METTL21A: variants seen among roughly 807,000 people sequenced by gnomAD.
The protein encoded by METTL21A is methyltransferase 21A, HSPA lysine.
A neutral mutation model predicts 20.9 loss-of-function variants in METTL21A; 22 were observed. That is an observed-to-expected ratio of 1.05 (90% confidence interval 0.75 to 1.50). The LOEUF (loss-of-function observed/expected upper bound fraction) is 1.50. Ranked by LOEUF, METTL21A falls within the 40% of genes most tolerant of loss-of-function variation. The pLI, the probability that METTL21A is intolerant of heterozygous loss-of-function variation, is 0.00. For missense variants in METTL21A, 271 were observed against 266.8 expected (o/e 1.02, Z -0.11); for synonymous variants, 93 against 102.0 (o/e 0.91, Z 0.53).
At chr2:207,620,612 A>G in intron 3 of METTL21A, 1 of 1,467,738 alleles carries the variant, frequency 6.8e-7, no homozygotes, top group Non-Finnish European at 9.1e-7. Flanking sequence ...AATAATACCT[A>G]ACATACACGG....
intron 3 of METTL21A, among the ~76,000 whole-genome samples, chr2:207,587,899 T>C (rs1282091470): frequency 1.3e-5 from 2 of 152,186 alleles, no homozygotes; most frequent in African/African-American, 4.8e-5. Context: ...AGGGTGAATA[T>C]GGTTAAATAC....
intron 3 of METTL21A, among the ~76,000 whole-genome samples, chr2:207,586,037 T>A (rs1221745239): frequency 6.6e-6 from 1 of 152,110 alleles, no homozygotes; most frequent in African/African-American, 2.4e-5. Flanking sequence ...TAAAACAGTT[T>A]ATCCAAAAAG....
chr2:207,596,786 A>T (rs765011156), intron 3 of METTL21A: 2 of 1,076,920 alleles, frequency 1.9e-6, no homozygotes, highest in Non-Finnish European at 2.6e-6. Flanking sequence ...TATCTTTTCC[A>T]ATGCTTAATA....
rs78823096 is a variant in METTL21A at position 207,599,567 on chromosome 2, G to C, written c.260-17407C>G. The C allele has an allele frequency of 3.8e-4, 75 of 197,570 alleles. 1 individual carries two copies. Among genetic ancestry groups the C allele is most frequent in the African/African-American group, 1.7e-3 (73 of 43,512 alleles). The allele number at this position is 197,570 out of a possible 1,614,324, so 12.2% of individuals were successfully genotyped here. A position where few individuals can be genotyped will look rare whatever the true frequency, so the allele number is the denominator to read the frequency against. On this transcript the variant is annotated intron_variant, in intron 3 of 3. Coordinates refer to the METTL21A transcript ENST00000425132. ...TCATACCTTGAGGATGATTGCACTG[G>C]TTTTGAAGTCAGTTGCTTAATGATG...
chr2:207,581,947 C>T, exon 4 of METTL21A: 1 of 702,676 alleles, frequency 1.4e-6, no homozygotes, highest in East Asian at 2.7e-5. Flanking sequence ...CCAGTGTTTT[C>T]TATGGATAGA....
chr2:207,583,809 T>C (rs1345436203), intron 3 of METTL21A, among the ~76,000 whole-genome samples: 1 of 152,220 alleles, frequency 6.6e-6, no homozygotes, highest in African/African-American at 2.4e-5. Context: ...TATATAATAC[T>C]AAGTATTCTC....
chr2:207,602,850 TG>T (rs1013852348), intron 3 of METTL21A: 2 of 218,088 alleles, frequency 9.2e-6, no homozygotes, highest in Non-Finnish European at 1.8e-5. Context: ...CATGTAAAGT[TG>T]TCCTTGACTG....
downstream of METTL21A, among the ~76,000 whole-genome samples, chr2:207,605,589 C>T (rs748406906): frequency 2.0e-5 from 3 of 152,146 alleles, no homozygotes; most frequent in Non-Finnish European, 4.4e-5. Flanking sequence ...TTTTTTGTGA[C>T]AGTCTGTGCA....
chr2:207,582,270 C>T (rs2083065643), intron 3 of METTL21A: 1 of 650,798 alleles, frequency 1.5e-6, no homozygotes, highest in Admixed American at 2.4e-5. Context: ...ATTCTTTTCT[C>T]TTTAAAGTTT....
At chr2:207,597,075 T>A in intron 3 of METTL21A, 1 of 1,585,764 alleles carries the variant, frequency 6.3e-7, no homozygotes, top group South Asian at 1.2e-5. Flanking sequence ...ATTTAAATTT[T>A]CACCTGTTAA....
chr2:207,600,935 T>G (rs893817457), intron 3 of METTL21A: 18 of 197,962 alleles, frequency 9.1e-5, no homozygotes, highest in Non-Finnish European at 1.7e-4. Context: ...TTTTAATATT[T>G]AACAAATTTT....
At chr2:207,587,957 C>G (rs1197856108) in intron 3 of METTL21A, among the ~76,000 whole-genome samples, 1 of 152,146 alleles carries the variant, frequency 6.6e-6, no homozygotes, top group African/African-American at 2.4e-5. Context: ...TGAATGTTCA[C>G]AACCCAACAA....
chr2:207,600,955 G>A lies in METTL21A; in HGVS notation c.260-18795C>T, dbSNP rs548231745. ...ATATTTAACAAATTTTTAATTCTAT[G>A]ATCAGCCACAGTCAGCTATTACCAT... is the stretch of plus-strand genomic sequence containing the variant. On this transcript the variant is annotated intron_variant, in intron 3 of 3. Transcript: ENST00000425132. The A allele has an allele frequency of 2.6e-5, 5 of 193,442 alleles. No individual in the cohort carries two copies. The South Asian group carries it at 1.0e-3, about 40-fold the overall frequency. 12.0% of individuals were successfully genotyped at this position (193,442 alleles called of 1,614,324 possible). A position where few individuals can be genotyped will look rare whatever the true frequency, so the allele number is the denominator to read the frequency against.
At chr2:207,582,671 A>C (rs1298823239) in intron 3 of METTL21A, among the ~76,000 whole-genome samples, 1 of 152,002 alleles carries the variant, frequency 6.6e-6, no homozygotes, top group African/African-American at 2.4e-5. Context: ...CTGTTTTTCC[A>C]ATGATCTCTA....
chr2:207,615,913 T>G lies in METTL21A; in HGVS notation c.260-2470A>C, dbSNP rs139762272. ...AGCCAATGTCTCTCTTCTATGATTG[T>G]TTTTTTTTTCCCAAACATACAGAGA... On this transcript the variant is annotated intron_variant, in intron 3 of 3. Coordinates refer to ENST00000406927, the Ensembl canonical transcript of METTL21A. 6.0e-3 allele frequency among the ~76,000 whole-genome samples: 881 copies of G among 146,640 alleles called. 4 individuals are homozygous for G. Among genetic ancestry groups the G allele is most frequent in the African/African-American group, 0.021 (840 of 40,554 alleles).
chr2:207,602,191 A>G (rs2087178239), intron 3 of METTL21A: 1 of 191,214 alleles, frequency 5.2e-6, no homozygotes, highest in South Asian at 1.9e-4. Flanking sequence ...TGGAGGGATT[A>G]TATTTCAGGT....
At chr2:207,596,571 C>CT (rs1019823163) in intron 3 of METTL21A, among the ~76,000 whole-genome samples, 1 of 152,132 alleles carries the variant, frequency 6.6e-6, no homozygotes, top group Non-Finnish European at 1.5e-5. Context: ...GTAGCTGGGA[C>CT]TACAGGCATG....
chr2:207,594,506 C>T (rs2085731505), intron 3 of METTL21A, among the ~76,000 whole-genome samples: 1 of 152,164 alleles, frequency 6.6e-6, no homozygotes. Flanking sequence ...CTTGTGTCAG[C>T]ATAATGCCCT....
At chr2:207,594,499 G>A (rs1163198159) in intron 3 of METTL21A, among the ~76,000 whole-genome samples, 1 of 152,192 alleles carries the variant, frequency 6.6e-6, no homozygotes, top group Non-Finnish European at 1.5e-5. Context: ...AGACTAGCTT[G>A]TGTCAGCATA....
Sources: allele counts gnomAD v4.1 joint callset (sites outside exome capture counted in the v4.1 genomes callset), GRCh38; gene constraint gnomAD v4.1.1; transcripts MANE v1.5; gene names NCBI Gene and HGNC (gene_info 2026-07-23, HGNC 2026-07-21).